Variants in TVP23C observed in about 807,000 individuals in gnomAD.
TVP23C encodes the protein trans-golgi network vesicle protein 23 homolog C, also known as Golgi apparatus membrane protein TVP23 homolog C.
TVP23C carries 19 observed loss-of-function variants against 28.7 expected under a neutral mutation model. That is an observed-to-expected ratio of 0.66 (90% confidence interval 0.46 to 0.97). The LOEUF is 0.97. Among genes scored for constraint, TVP23C ranks in the 50% least tolerant of loss-of-function variants. TVP23C has a pLI of 0.00. For missense variants in TVP23C, 186 were observed against 241.3 expected (o/e 0.77, Z 1.52); for synonymous variants, 68 against 81.7 (o/e 0.83, Z 0.90).
At position 15,537,878 on chromosome 17, in the gene TVP23C, G is replaced by C. The variant is rs888266531; in HGVS notation, c.*2534C>G. On this transcript the variant is annotated 3_prime_UTR_variant, in exon 6 of 6. Coordinates refer to ENST00000518321, the MANE Select transcript of TVP23C (RefSeq NM_001135036.2). ...ATGGCCGTGTGCATACCTATGGAAT[G>C]TGCATACCTACACCACAGAACAAAT... is the stretch of plus-strand genomic sequence containing the variant. The C allele has an allele frequency of 9.7e-5, 136 of 1,401,104 alleles. No homozygotes were observed. The highest frequency in any genetic ancestry group is 8.6e-5 in the Non-Finnish European group (93 of 1,079,666). 86.8% of individuals were successfully genotyped at this position (1,401,104 alleles called of 1,614,324 possible).
intron 5 of TVP23C, among the ~76,000 whole-genome samples, chr17:15,511,192 TAG>T (rs1257610313): frequency 2.6e-5 from 4 of 151,422 alleles, no homozygotes; most frequent in African/African-American, 9.7e-5. Context: ...CGGTCTACAG[TAG>T]AGAGGTTTTA....
chr17:15,529,595 G>A (rs1982870827), intron 5 of TVP23C, among the ~76,000 whole-genome samples: 1 of 152,120 alleles, frequency 6.6e-6, no homozygotes, highest in African/African-American at 2.4e-5. Context: ...TTACCAATGT[G>A]TGATGTCCTT....
At chr17:15,524,833 C>T in intron 5 of TVP23C, among the ~76,000 whole-genome samples, 1 of 152,174 alleles carries the variant, frequency 6.6e-6, no homozygotes, top group Non-Finnish European at 1.5e-5. Context: ...GCAAATAGCA[C>T]CAAGAGCTGG....
chr17:15,509,817 T>G (rs368369021), intron 5 of TVP23C, among the ~76,000 whole-genome samples: 1 of 152,222 alleles, frequency 6.6e-6, no homozygotes, highest in African/African-American at 2.4e-5. Flanking sequence ...GAAGTGCTCC[T>G]TCCCTGGCTC....
intron 3 of TVP23C, among the ~76,000 whole-genome samples, chr17:15,550,574 T>G (rs923266240): frequency 6.6e-6 from 1 of 152,246 alleles, no homozygotes; most frequent in South Asian, 2.1e-4. Context: ...TTGTTTAAGA[T>G]AGTAGTTTGT....
chr17:15,553,795 G>A lies in TVP23C; in HGVS notation c.130C>T (p.Arg44Ter), dbSNP rs550156833. The change falls in exon 3 of 6, where the codon CGA (arginine) becomes TGA (stop). Residue 44 changes from arginine (R) to a stop codon, truncating the protein, a stop_gained. Coordinates refer to ENST00000518321, the MANE Select transcript of TVP23C (RefSeq NM_001135036.2). LOFTEE classifies it high-confidence loss of function. ...PVASFFHLFF[R>*]VSAIIVCLLC... ...AGACAGACGATGATTGCACTGACTC[G>A]AAAGAATAAGTGGAAAAACGATGCT... 2.1e-5 allele frequency: 34 copies of A among 1,613,862 alleles called. No individual in the cohort carries two copies. The highest frequency in any genetic ancestry group is 1.3e-4 in the African/African-American group (10 of 74,998).
At chr17:15,552,919 CTATT>C (rs1424338537) in intron 3 of TVP23C, among the ~76,000 whole-genome samples, 3 of 150,730 alleles carry the variant, frequency 2.0e-5, no homozygotes, top group East Asian at 3.9e-4. Context: ...GCTTACTTAT[CTATT>C]TATTATGTAC....
chr17:15,561,630 G>GAATGAATAAATAAATA (rs1350335513), intron 1 of TVP23C, among the ~76,000 whole-genome samples: 76 of 131,672 alleles, frequency 5.8e-4, no homozygotes, highest in African/African-American at 2.1e-3. Context: ...ATGAATGAAT[G>GAATGAATAAATAAATA]AATAAATAAA....
chr17:15,557,290 G>GT (rs761887271), intron 1 of TVP23C, among the ~76,000 whole-genome samples: 29,459 of 123,866 alleles, frequency 0.24, 4,692 homozygotes, highest in East Asian at 0.68. Context: ...AGAAGACAAG[G>GT]TTTTTTTTTT....
intron 2 of TVP23C, 87 bp from the exon 3 acceptor site, chr17:15,553,916 G>C: frequency 1.3e-6 from 2 of 1,587,790 alleles, no homozygotes; most frequent in Non-Finnish European, 1.7e-6. Flanking sequence ...TAGCCATCGT[G>C]TAACTGTGAA....
In TVP23C at chr17:15,540,525, T is replaced by C. The variant is rs1983366905; in HGVS notation, c.499A>G (p.Asn167Asp). 2 of 1,613,480 alleles carry C rather than the reference T, an allele frequency of 1.2e-6. No individual in the cohort carries two copies. Among genetic ancestry groups the C allele is most frequent in the Middle Eastern group, 1.7e-4 (1 of 6,056 alleles). ...TTACACCTGATGTAACCATACAGGT[T>C]GGCACCTTGTAGCACCACACCCATA... Reference protein sequence around the residue: ...VIMGVVLQGANLYGYIRCKVR... With the variant: ...VIMGVVLQGADLYGYIRCKVR... The change falls in exon 6 of 6, where the codon AAC becomes GAC. Residue 167 changes from asparagine to aspartate, a missense_variant. Transcript: ENST00000518321.
rs1055004359 is a variant in TVP23C, at chr17:15,555,380, A to T, written c.13-16T>A. ...CATTACTATCCTGGTTGGAAAAATAAATGGTCAAGAAGCAAAACAAAATTC... is the reference window on the plus strand; with the variant it reads ...CATTACTATCCTGGTTGGAAAAATATATGGTCAAGAAGCAAAACAAAATTC... On this transcript the variant is annotated splice_polypyrimidine_tract_variant and intron_variant, in intron 1 of 5. Transcript: ENST00000518321. 3 of 1,613,856 alleles carry T rather than the reference A, an allele frequency of 1.9e-6. No individual in the cohort carries two copies. In the African/African-American group the frequency reaches 4.0e-5, roughly 22 times the overall value.
chr17:15,562,145 C>A (rs910350636), intron 1 of TVP23C: 9 of 152,298 alleles, frequency 5.9e-5, no homozygotes, highest in African/African-American at 1.9e-4. Flanking sequence ...AGTAGCCATT[C>A]CTTTACTTTC....
exon 6 of TVP23C, chr17:15,502,769 C>T (rs1487028149): frequency 3.5e-5 from 50 of 1,421,704 alleles, no homozygotes; most frequent in East Asian, 5.0e-5. Context: ...TCTCCTTCTC[C>T]GTCACTCTCT....
rs1269359710 is a variant in TVP23C at position 15,538,767 on chromosome 17, T to C, written c.*1645A>G. 2.0e-6 allele frequency: 2 copies of C among 985,204 alleles called. No homozygotes were observed. The highest frequency in any genetic ancestry group is 3.5e-5 in the African/African-American group (2 of 57,178). 61.0% of individuals were successfully genotyped at this position (985,204 alleles called of 1,614,324 possible). On this transcript the variant is annotated 3_prime_UTR_variant, in exon 6 of 6. Coordinates refer to ENST00000518321, the MANE Select transcript of TVP23C (RefSeq NM_001135036.2). The stretch of plus-strand genomic sequence containing the variant: ...GTTTAATTTCACCTGTATTCCATGT[T>C]CCTCCCCACCTTCAGAAACACTGAA...
downstream of TVP23C, among the ~76,000 whole-genome samples, chr17:15,534,570 A>G (rs1597525491): frequency 7.4e-6 from 1 of 135,292 alleles, no homozygotes; most frequent in East Asian, 2.2e-4. Flanking sequence ...TTAATGTGCC[A>G]TCACTTCTAC....
At chr17:15,554,516 C>T (rs552412409) in intron 2 of TVP23C, among the ~76,000 whole-genome samples, 101 of 152,316 alleles carry the variant, frequency 6.6e-4, no homozygotes, top group African/African-American at 2.2e-3. Context: ...GGATTACAGG[C>T]GTGAGCCATC....
At chr17:15,523,547 G>A (rs1037158276) in intron 5 of TVP23C, among the ~76,000 whole-genome samples, 1 of 150,894 alleles carries the variant, frequency 6.6e-6, no homozygotes, top group Admixed American at 6.6e-5. Flanking sequence ...GACCTCAGGT[G>A]ATCCACCCCC....
chr17:15,534,034 T>G (rs1910342), downstream of TVP23C, among the ~76,000 whole-genome samples: 48 of 152,200 alleles, frequency 3.2e-4, 1 homozygote, highest in East Asian at 9.3e-3. Context: ...TCAGATGTTG[T>G]TGTTATATAA....
Sources: gnomAD v4.1 joint callset for allele counts (sites outside exome capture counted in the v4.1 genomes callset) on GRCh38, gnomAD v4.1.1 for gene constraint, MANE v1.5 for transcripts, NCBI Gene and HGNC (gene_info 2026-07-23, HGNC 2026-07-21) for gene names.